Variants in LINC00305 observed in about 807,000 individuals in gnomAD.
LINC00305 encodes the protein long independently transcribed non-coding RNA 305.
chr18:64,123,823 C>T (rs1396127191), intron 1 of LINC00305, among the ~76,000 whole-genome samples: 2 of 151,936 alleles, frequency 1.3e-5, no homozygotes, highest in Non-Finnish European at 2.9e-5. Context: ...GATTAATGCC[C>T]TCTGTCAAGA....
chr18:64,143,774 A>G lies in LINC00305; in HGVS notation n.314+5001T>C, dbSNP rs1430450685. On this transcript the variant is annotated intron_variant and non_coding_transcript_variant, in intron 1 of 3. Coordinates refer to ENST00000666468, the Ensembl canonical transcript of LINC00305. ...ACATGTATGTACACATATTATGCGT[A>G]CATGTATGTACACATATTATGCGTA... 3.5e-5 allele frequency among the ~76,000 whole-genome samples: 5 copies of G among 144,510 alleles called. 1 individual carries two copies. Among genetic ancestry groups the G allele is most frequent in the South Asian group, 2.2e-4 (1 of 4,458 alleles). 94.8% of individuals were successfully genotyped at this position (144,510 alleles called of 152,430 possible).
chr18:64,111,707 G>GCT (rs1325968371), intron 1 of LINC00305, among the ~76,000 whole-genome samples: 1 of 152,144 alleles, frequency 6.6e-6, no homozygotes, highest in Non-Finnish European at 1.5e-5. Flanking sequence ...CTGGGTCCCT[G>GCT]CTCTCTCTGG....
intron 1 of LINC00305, among the ~76,000 whole-genome samples, chr18:64,144,418 C>A (rs1269541210): frequency 2.0e-5 from 3 of 152,164 alleles, no homozygotes; most frequent in African/African-American, 7.2e-5. Flanking sequence ...CCCCTGGAAC[C>A]TCCACAAGAG....
At chr18:64,143,104 C>A (rs576860470) in intron 1 of LINC00305, among the ~76,000 whole-genome samples, 1 of 152,064 alleles carries the variant, frequency 6.6e-6, no homozygotes, top group Non-Finnish European at 1.5e-5. Context: ...TAAACAGTGA[C>A]GTCAGCATTA....
At position 64,139,035 on chromosome 18, in the gene LINC00305, C is replaced by T. The variant is rs181646050; in HGVS notation, n.314+9740G>A. Among the ~76,000 whole-genome samples the T allele has an allele frequency of 4.6e-5, 7 of 152,314 alleles. No homozygotes were observed. In the East Asian group the frequency reaches 1.4e-3, roughly 29 times the overall value. The stretch of plus-strand genomic sequence containing the variant: ...CCACAGGCAACTCCTCATAATAGAA[C>T]TTTTGCAGGGAACAGTTTCTTTCCA... On this transcript the variant is annotated intron_variant and non_coding_transcript_variant, in intron 1 of 3. Transcript: ENST00000666468.
At chr18:64,093,585 T>C (rs2590396) in intron 3 of LINC00305, among the ~76,000 whole-genome samples, 45,241 of 152,134 alleles carry the variant, frequency 0.3, 7,439 homozygotes, top group African/African-American at 0.44. Context: ...CCACCTACCT[T>C]GGCCTCCCAA....
chr18:64,108,954 T>G (rs1473913142), intron 1 of LINC00305, among the ~76,000 whole-genome samples: 1 of 152,222 alleles, frequency 6.6e-6, no homozygotes, highest in Non-Finnish European at 1.5e-5. Flanking sequence ...AACTAACTTT[T>G]ATTTCTTTTC....
chr18:64,125,101 A>G (rs1465017154), intron 1 of LINC00305, among the ~76,000 whole-genome samples: 2 of 152,148 alleles, frequency 1.3e-5, no homozygotes, highest in Non-Finnish European at 2.9e-5. Flanking sequence ...CTGTCTTACC[A>G]CCAACATTCA....
At chr18:64,142,405 A>C (rs1380056172) in intron 1 of LINC00305, among the ~76,000 whole-genome samples, 1 of 152,142 alleles carries the variant, frequency 6.6e-6, no homozygotes, top group Non-Finnish European at 1.5e-5. Flanking sequence ...TGAGGGTCCA[A>C]TGCTGGTGGA....
At chr18:64,098,065 T>C (rs1274567089) in intron 2 of LINC00305, 2 of 452,858 alleles carry the variant, frequency 4.4e-6, no homozygotes, top group Non-Finnish European at 9.0e-6. Flanking sequence ...TAAAGATTTA[T>C]TACGTATTAT....
At chr18:64,091,905 C>G (rs995741874) in intron 3 of LINC00305, among the ~76,000 whole-genome samples, 1 of 152,154 alleles carries the variant, frequency 6.6e-6, no homozygotes, top group East Asian at 1.9e-4. Flanking sequence ...ATTGAAAGGG[C>G]TTTTTAAATT....
chr18:64,094,875 A>T (rs2051239020), intron 3 of LINC00305, among the ~76,000 whole-genome samples: 1 of 150,660 alleles, frequency 6.6e-6, no homozygotes, highest in Admixed American at 6.6e-5. Context: ...AAATAAATAA[A>T]TAAATAAATA....
intron 3 of LINC00305, among the ~76,000 whole-genome samples, chr18:64,080,786 T>C (rs2051181986): frequency 6.6e-6 from 1 of 152,186 alleles, no homozygotes; most frequent in Non-Finnish European, 1.5e-5. Flanking sequence ...TTTACACATA[T>C]GCAAAACATG....
chr18:64,131,515 G>T (rs1254814408), intron 1 of LINC00305, among the ~76,000 whole-genome samples: 1 of 152,178 alleles, frequency 6.6e-6, no homozygotes, highest in Non-Finnish European at 1.5e-5. Context: ...TATGTCAGAG[G>T]AAAGTGCCTG....
chr18:64,112,164 C>T (rs949455156), intron 1 of LINC00305, among the ~76,000 whole-genome samples: 2 of 152,064 alleles, frequency 1.3e-5, no homozygotes, highest in African/African-American at 2.4e-5. Context: ...TCTATTACTG[C>T]GGCATAATCA....
At chr18:64,107,018 A>G (rs1476156594) in intron 1 of LINC00305, among the ~76,000 whole-genome samples, 1 of 152,166 alleles carries the variant, frequency 6.6e-6, no homozygotes, top group Non-Finnish European at 1.5e-5. Context: ...ATGTGCACCA[A>G]TTCCGGGCCT....
chr18:64,137,314 A>G (rs929342763), intron 1 of LINC00305, among the ~76,000 whole-genome samples: 5 of 152,058 alleles, frequency 3.3e-5, no homozygotes, highest in Non-Finnish European at 7.4e-5. Context: ...TTCGTTTTTG[A>G]CTTCTAGCCT....
At chr18:64,142,274 A>C (rs936041687) in intron 1 of LINC00305, among the ~76,000 whole-genome samples, 25 of 152,216 alleles carry the variant, frequency 1.6e-4, no homozygotes, top group African/African-American at 5.8e-4. Context: ...CTTTTAAAAA[A>C]GTTGTTGTTG....
chr18:64,107,718 A>C (rs1244543554), intron 1 of LINC00305, among the ~76,000 whole-genome samples: 4 of 152,176 alleles, frequency 2.6e-5, no homozygotes, highest in African/African-American at 9.7e-5. Context: ...TGTTTGTGTT[A>C]ATTTGGCCAG....
Sources: gnomAD v4.1 joint callset for allele counts (sites outside exome capture counted in the v4.1 genomes callset) on GRCh38, gnomAD v4.1.1 for gene constraint, MANE v1.5 for transcripts, NCBI Gene and HGNC (gene_info 2026-07-23, HGNC 2026-07-21) for gene names.